The following SLC13A1 variants were observed in gnomAD, a reference collection of about 807,000 sequenced individuals.
The protein encoded by SLC13A1 is solute carrier family 13 member 1.
A neutral mutation model predicts 70.0 loss-of-function variants in SLC13A1; 65 were observed. The observed-to-expected ratio is 0.93, with a 90% CI of 0.76 to 1.14. The LOEUF is 1.14. SLC13A1 is among the 50% of genes most tolerant of loss of function. The pLI is 0.00. For missense variants in SLC13A1, 726 were observed against 717.8 expected, an observed-to-expected ratio of 1.01 and a Z score of -0.13; for synonymous variants, 275 against 250.5, an observed-to-expected ratio of 1.10 and a Z score of -0.92.
At chr7:123,189,786 G>T (rs1795937765) in intron 1 of SLC13A1, among the ~76,000 whole-genome samples, 1 of 151,412 alleles carries the variant, frequency 6.6e-6, no homozygotes, top group Non-Finnish European at 1.5e-5. Flanking sequence ...AATCCTTTTG[G>T]AGATTTTTTT....
At chr7:123,166,863 C>T (rs1002740973) in intron 6 of SLC13A1, among the ~76,000 whole-genome samples, 7 of 152,014 alleles carry the variant, frequency 4.6e-5, no homozygotes, top group African/African-American at 1.7e-4. Flanking sequence ...CGTGTGCATC[C>T]CCATCAAAAA....
intron 6 of SLC13A1, among the ~76,000 whole-genome samples, chr7:123,151,835 A>G (rs1794567562): frequency 1.3e-5 from 2 of 152,036 alleles, no homozygotes; most frequent in South Asian, 4.1e-4. Context: ...AATTCTGTCA[A>G]TTGTATCTAC....
intron 6 of SLC13A1, among the ~76,000 whole-genome samples, chr7:123,154,430 T>A (rs989923261): frequency 6.6e-6 from 1 of 152,142 alleles, no homozygotes; most frequent in Non-Finnish European, 1.5e-5. Flanking sequence ...CAGGTCCAGA[T>A]GTAACTCACT....
intron 2 of SLC13A1, among the ~76,000 whole-genome samples, chr7:123,180,353 T>G (rs1340965464): frequency 6.6e-6 from 1 of 152,148 alleles, no homozygotes; most frequent in African/African-American, 2.4e-5. Context: ...CTTAACATCT[T>G]TCTTGAGATT....
At chr7:123,157,999 A>G (rs1425594093) in intron 6 of SLC13A1, among the ~76,000 whole-genome samples, 1 of 152,094 alleles carries the variant, frequency 6.6e-6, no homozygotes, top group Non-Finnish European at 1.5e-5. Context: ...AATTTATGTT[A>G]TGTGTGTGTT....
rs375316008 is a variant in SLC13A1, at chr7:123,116,132, C to T, written c.1651-477G>A. On this transcript the variant is annotated intron_variant, in intron 14 of 14. Coordinates refer to ENST00000194130, the MANE Select transcript of SLC13A1 (RefSeq NM_022444.4). ...AACTGTATCTTTTATATTCACTCAA[C>T]GTAATTGTTAATTTAACCTTCGATA... is the stretch of plus-strand genomic sequence containing the variant. Among the ~76,000 whole-genome samples the T allele has an allele frequency of 4.6e-5, 7 of 152,272 alleles. No homozygotes were observed. In the East Asian group the frequency reaches 7.7e-4, roughly 17 times the overall value.
At chr7:123,199,066 A>G (rs1380632260) in intron 1 of SLC13A1, among the ~76,000 whole-genome samples, 1 of 152,152 alleles carries the variant, frequency 6.6e-6, no homozygotes, top group African/African-American at 2.4e-5. Flanking sequence ...TGGGACCTGA[A>G]GCAGAGAATC....
intron 6 of SLC13A1, among the ~76,000 whole-genome samples, chr7:123,164,600 C>CT (rs1012610727): frequency 1.4e-4 from 21 of 151,514 alleles, no homozygotes; most frequent in African/African-American, 4.8e-4. Flanking sequence ...ATTTCTCTTC[C>CT]TTTTTTTCAT....
chr7:123,136,002 A>G (rs1400464186), intron 7 of SLC13A1, among the ~76,000 whole-genome samples: 2 of 152,242 alleles, frequency 1.3e-5, no homozygotes, highest in Non-Finnish European at 2.9e-5. Context: ...TGGAAAATAA[A>G]GTAATGGGAG....
At chr7:123,186,641 G>A (rs2116643504) in intron 1 of SLC13A1, 1 of 435,360 alleles carries the variant, frequency 2.3e-6, no homozygotes, top group African/African-American at 2.0e-5. Context: ...AGCAATAAAA[G>A]AAGACCAGTT....
At position 123,115,541 on chromosome 7, in the gene SLC13A1, T is replaced by C. The variant is rs764044219; in HGVS notation, c.1765A>G (p.Met589Val). The change falls in exon 15 of 15, where the codon ATG becomes GTG. Residue 589 changes from methionine to valine, a missense_variant. Met to Val is a conservative substitution (Grantham distance 21, BLOSUM62 1). Coordinates refer to ENST00000194130, the MANE Select transcript of SLC13A1 (RefSeq NM_022444.4). ...LYTYPSWAPA[M>V]SNETMP The stretch of plus-strand genomic sequence containing the variant: ...TATTATGGCATGGTCTCATTACTCA[T>C]AGCAGGAGCCCACGAAGGGTAAGTG... 6 of 1,613,448 alleles carry C rather than the reference T, an allele frequency of 3.7e-6. No individual in the cohort carries two copies. In the African/African-American group the frequency reaches 8.0e-5, roughly 22 times the overall value.
chr7:123,129,081 G>C, intron 9 of SLC13A1, 135 bp from the exon 10 acceptor site: 1 of 718,740 alleles, frequency 1.4e-6, no homozygotes, highest in South Asian at 1.6e-5. Context: ...AATAATTTGA[G>C]AGCATCAGTG....
At position 123,114,000 on chromosome 7, in the gene SLC13A1, C is replaced by A. The variant is rs548910228; in HGVS notation, c.*1518G>T. 5 of 139,440 alleles carry A rather than the reference C, an allele frequency of 3.6e-5. No homozygotes were observed. The South Asian group carries it at 1.2e-3, about 32-fold the overall frequency. 8.6% of individuals were successfully genotyped at this position (139,440 alleles called of 1,614,324 possible). ...AGGTTTGGCTGAGGCAGGAGAATGG[C>A]GTGAACCTGGGAGGCGGAGCTTGCA... On this transcript the variant is annotated 3_prime_UTR_variant, in exon 15 of 15. Transcript: ENST00000194130.
intron 2 of SLC13A1, 118 bp downstream of exon 2, chr7:123,180,855 G>T (rs1486687448): frequency 1.9e-6 from 2 of 1,053,874 alleles, no homozygotes; most frequent in Non-Finnish European, 2.7e-6. Context: ...TGGAAGTTTG[G>T]GGGACTTATG....
chr7:123,194,003 C>T (rs190376502), intron 1 of SLC13A1, among the ~76,000 whole-genome samples: 8 of 152,234 alleles, frequency 5.3e-5, no homozygotes, highest in Non-Finnish European at 8.8e-5. Context: ...TTCTGCCACG[C>T]TAGATCATCC....
chr7:123,118,444 G>T (rs776621904), intron 13 of SLC13A1, among the ~76,000 whole-genome samples: 3 of 152,094 alleles, frequency 2.0e-5, no homozygotes, highest in Non-Finnish European at 1.5e-5. Flanking sequence ...TTCTTAAAGT[G>T]CTTTCCTTTC....
At chr7:123,144,971 C>T (rs1386145829) in intron 7 of SLC13A1, among the ~76,000 whole-genome samples, 1 of 152,206 alleles carries the variant, frequency 6.6e-6, no homozygotes, top group Non-Finnish European at 1.5e-5. Flanking sequence ...AATTATAGAC[C>T]TTTTGACTGA....
Position 123,114,345 on chromosome 7 carries a change from A to G in SLC13A1, c.*1173T>C, listed in dbSNP as rs1585273772. On this transcript the variant is annotated 3_prime_UTR_variant, in exon 15 of 15. Coordinates refer to ENST00000194130, the MANE Select transcript of SLC13A1 (RefSeq NM_022444.4). ...TTTTGCTACCTGTCTACAATGTGTA[A>G]TTGTCACATCAGGGTAATTGGAAAC... is the stretch of plus-strand genomic sequence containing the variant. The G allele has an allele frequency of 6.6e-6, 1 of 152,008 alleles. No individual in the cohort carries two copies. The highest frequency in any genetic ancestry group is 2.1e-4 in the South Asian group (1 of 4,830). The allele number at this position is 152,008 out of a possible 1,614,324, so 9.4% of individuals were successfully genotyped here.
intron 1 of SLC13A1, among the ~76,000 whole-genome samples, chr7:123,187,833 T>G (rs1795859985): frequency 6.6e-6 from 1 of 152,210 alleles, no homozygotes; most frequent in East Asian, 1.9e-4. Flanking sequence ...CTACTGATGT[T>G]TGTTTGGATT....
Sources: gnomAD v4.1 joint callset for allele counts (sites outside exome capture counted in the v4.1 genomes callset) on GRCh38, gnomAD v4.1.1 for gene constraint, MANE v1.5 for transcripts, NCBI Gene and HGNC (gene_info 2026-07-23, HGNC 2026-07-21) for gene names.